CDC14A: variants seen among roughly 807,000 people sequenced by gnomAD.
The protein encoded by CDC14A is dual specificity protein phosphatase CDC14A.
CDC14A carries 53 observed loss-of-function variants against 74.4 expected under a neutral mutation model. That is an observed-to-expected ratio of 0.71 (90% confidence interval 0.57 to 0.89). The LOEUF is 0.89. Among genes scored for constraint, CDC14A ranks in the 40% least tolerant of loss-of-function variants. The probability of loss-of-function intolerance (pLI) is 0.00; values close to 1 mark genes in which losing one functional copy is unlikely to be tolerated. For synonymous variants in CDC14A, 247 were observed against 258.4 expected (o/e 0.96, Z 0.43); for missense variants, 646 against 713.7 (o/e 0.91, Z 1.08).
At chr1:100,393,335 C>A in intron 4 of CDC14A, 1 of 1,007,692 alleles carries the variant, frequency 9.9e-7, no homozygotes. Context: ...ACATTAGTTT[C>A]AGATTCTCAG....
At chr1:100,480,070 G>T (rs978488758) in intron 10 of CDC14A, among the ~76,000 whole-genome samples, 11 of 152,020 alleles carry the variant, frequency 7.2e-5, no homozygotes, top group African/African-American at 2.4e-4. Context: ...TCACAATGTT[G>T]TGCAGCCATC....
intron 15 of CDC14A, among the ~76,000 whole-genome samples, chr1:100,505,873 G>A (rs553516889): frequency 1.1e-4 from 17 of 152,258 alleles, no homozygotes; most frequent in African/African-American, 2.6e-4. Context: ...TTGGCTTTGC[G>A]TGAGTCCTCA....
At chr1:100,517,044 C>T (rs962630987) in intron 15 of CDC14A, among the ~76,000 whole-genome samples, 1 of 152,224 alleles carries the variant, frequency 6.6e-6, no homozygotes, top group Non-Finnish European at 1.5e-5. Context: ...ACACCGCTGT[C>T]TTTTCATTTC....
At chr1:100,473,443 A>G (rs930825016) in intron 10 of CDC14A, among the ~76,000 whole-genome samples, 1 of 151,962 alleles carries the variant, frequency 6.6e-6, no homozygotes, top group African/African-American at 2.4e-5. Flanking sequence ...CTGGAGTCCA[A>G]TGGCACGATC....
At chr1:100,487,553 C>T (rs537130888) in intron 11 of CDC14A, among the ~76,000 whole-genome samples, 23 of 91,856 alleles carry the variant, frequency 2.5e-4, no homozygotes, top group African/African-American at 6.1e-4. Context: ...GAGTGAGACT[C>T]GGTCTCAAAA....
intron 7 of CDC14A, among the ~76,000 whole-genome samples, chr1:100,445,541 G>A (rs1337524488): frequency 1.3e-5 from 2 of 152,148 alleles, no homozygotes; most frequent in Admixed American, 6.5e-5. Context: ...GAGGCAGGAG[G>A]GGGTTGGAAG....
At chr1:100,365,941 T>TAC (rs34281009) in intron 2 of CDC14A, among the ~76,000 whole-genome samples, 7,537 of 142,400 alleles carry the variant, frequency 0.053, 257 homozygotes, top group African/African-American at 0.1. Flanking sequence ...AACAAAATTT[T>TAC]ACACACACAC....
chr1:100,410,266 A>G (rs537803160), intron 4 of CDC14A, among the ~76,000 whole-genome samples: 1 of 152,164 alleles, frequency 6.6e-6, no homozygotes, highest in Admixed American at 6.5e-5. Context: ...CAAGAAACAT[A>G]TCTTTGAAAT....
chr1:100,403,071 T>TAG (rs1265637044), intron 4 of CDC14A, among the ~76,000 whole-genome samples: 1 of 152,068 alleles, frequency 6.6e-6, no homozygotes, highest in Non-Finnish European at 1.5e-5. Flanking sequence ...CAAGGAGTGA[T>TAG]AGGGGGATAA....
At chr1:100,481,955 A>C (rs945867274) in intron 10 of CDC14A, among the ~76,000 whole-genome samples, 2 of 152,240 alleles carry the variant, frequency 1.3e-5, no homozygotes, top group Admixed American at 6.5e-5. Context: ...TTCAATAAAA[A>C]GGAATTTGCG....
In CDC14A at chr1:100,509,851, C is replaced by T. The variant is rs142679880; in HGVS notation, c.1756-8400C>T. On this transcript the variant is annotated intron_variant, in intron 15 of 15. Transcript: ENST00000336454. ...GGGCAGACTGTTGTGAGTCCTTCAG[C>T]CTTCTGTTATGAAAAAGCAGTAGAC... 3.3e-5 allele frequency among the ~76,000 whole-genome samples: 5 copies of T among 152,312 alleles called. No individual in the cohort carries two copies. In the East Asian group the frequency reaches 9.6e-4, roughly 29 times the overall value.
intron 2 of CDC14A, among the ~76,000 whole-genome samples, chr1:100,359,443 G>A (rs1055472424): frequency 2.0e-5 from 3 of 152,158 alleles, no homozygotes; most frequent in African/African-American, 4.8e-5. Flanking sequence ...GAGGGTATGG[G>A]ACAACTTTGC....
chr1:100,483,246 A>G, intron 10 of CDC14A, among the ~76,000 whole-genome samples: 1 of 152,210 alleles, frequency 6.6e-6, no homozygotes, highest in South Asian at 2.1e-4. Flanking sequence ...CAACTTCACC[A>G]GCATCTGTTA....
chr1:100,502,871 A>G (rs376069723), intron 15 of CDC14A, among the ~76,000 whole-genome samples: 2 of 152,184 alleles, frequency 1.3e-5, no homozygotes, highest in Non-Finnish European at 2.9e-5. Context: ...AAATAATTCA[A>G]TTTAAGTAAT....
intron 8 of CDC14A, chr1:100,462,386 C>T: frequency 2.3e-6 from 1 of 426,930 alleles, no homozygotes; most frequent in African/African-American, 2.0e-5. Flanking sequence ...AGTATGCTCC[C>T]AGGATTCGAA....
intron 11 of CDC14A, among the ~76,000 whole-genome samples, chr1:100,489,615 A>G (rs1192982301): frequency 3.3e-5 from 5 of 151,292 alleles, no homozygotes; most frequent in Non-Finnish European, 7.4e-5. Flanking sequence ...CTTTTGGTAC[A>G]ATATTTTAGT....
chr1:100,388,364 G>T (rs950537036), intron 3 of CDC14A, among the ~76,000 whole-genome samples: 2 of 152,168 alleles, frequency 1.3e-5, no homozygotes, highest in Non-Finnish European at 2.9e-5. Context: ...AACAGAAAAA[G>T]GCAATGTTCA....
rs6672058 is a variant in CDC14A at position 100,442,746 on chromosome 1, C to A, written c.457-188C>A. 5.9e-3 allele frequency among the ~76,000 whole-genome samples: 889 copies of A among 151,682 alleles called. 16 individuals carry two copies. Among genetic ancestry groups the A allele is most frequent in the African/African-American group, 0.021 (862 of 41,372 alleles). On this transcript the variant is annotated intron_variant, in intron 6 of 15. Transcript: ENST00000336454. ...TGTTATTCTAAGTGTTTTTTTAGTT[C>A]CAGTAAGACAGTCTTAATGCAATAT...
At chr1:100,517,528 T>C (rs2101491841) in intron 15 of CDC14A, among the ~76,000 whole-genome samples, 1 of 152,366 alleles carries the variant, frequency 6.6e-6, no homozygotes, top group East Asian at 1.9e-4. Flanking sequence ...TCTCTATCTT[T>C]TCCTGGTTTA....
Sources: gnomAD v4.1 joint callset for allele counts (sites outside exome capture counted in the v4.1 genomes callset) on GRCh38, gnomAD v4.1.1 for gene constraint, MANE v1.5 for transcripts, NCBI Gene and HGNC (gene_info 2026-07-23, HGNC 2026-07-21) for gene names.